LHFPL5: variants seen among roughly 807,000 people sequenced by gnomAD.
LHFPL5 encodes LHFPL tetraspan subfamily member 5.
Under a neutral mutation model 18.7 loss-of-function variants are expected in LHFPL5, and 12 were observed. That is an observed-to-expected ratio of 0.64 (90% CI 0.41 to 1.04). LHFPL5 has a LOEUF of 1.04. Among genes scored for constraint, LHFPL5 ranks in the 50% least tolerant of loss-of-function variants. LHFPL5 has a pLI of 0.00. For missense variants in LHFPL5, 259 were observed against 292.1 expected (o/e 0.89, Z 0.83); for synonymous variants, 111 against 120.2 (o/e 0.92, Z 0.50).
chr6:35,818,341 ATATATATGTAT>A (rs1220127454), intron 2 of LHFPL5, among the ~76,000 whole-genome samples: 863 of 13,072 alleles, frequency 0.066, 15 homozygotes, highest in South Asian at 0.1. Context: ...ATATATATAT[ATATATATGTAT>A]TTTTTTTTTT....
At position 35,823,854 on chromosome 6, in the gene LHFPL5, T is replaced by C. The variant is rs1024065837; in HGVS notation, c.*889T>C. ...TCAAGTAATTTGTTATAGGAATAGATGACATTTTTTTTTTTCAAAAACTTT... is the reference window on the plus strand; with the variant it reads ...TCAAGTAATTTGTTATAGGAATAGACGACATTTTTTTTTTTCAAAAACTTT... On this transcript the variant is annotated 3_prime_UTR_variant, in exon 4 of 4. Coordinates refer to ENST00000360215, the MANE Select transcript of LHFPL5 (RefSeq NM_182548.4). 1.5e-5 allele frequency: 2 copies of C among 137,576 alleles called. No homozygotes were observed. Among genetic ancestry groups the C allele is most frequent in the East Asian group, 2.0e-4 (1 of 5,112 alleles). 8.5% of individuals were successfully genotyped at this position (137,576 alleles called of 1,614,324 possible).
At chr6:35,819,712 T>G in intron 3 of LHFPL5, 1 of 545,004 alleles carries the variant, frequency 1.8e-6, no homozygotes, top group Non-Finnish European at 3.3e-6. Context: ...AATTTCGCTC[T>G]TGTTGCCCAA....
Position 35,814,521 on chromosome 6 carries a change from A to T in LHFPL5, c.413-25A>T. ...GGCTAGGCACACTCGGCCTGATGCCATGTGCACCCCTCCTTCCCCCTCAGC... is the reference window on the plus strand; with the variant it reads ...GGCTAGGCACACTCGGCCTGATGCCTTGTGCACCCCTCCTTCCCCCTCAGC... On this transcript the variant is annotated intron_variant, in intron 1 of 3. Coordinates refer to ENST00000360215, the MANE Select transcript of LHFPL5 (RefSeq NM_182548.4). This position sits in a 1 kb window ranked among gnomAD's most constrained non-coding sequence, Gnocchi z 4.2. 6.4e-7 allele frequency: 1 copy of T among 1,567,288 alleles called. No homozygotes were observed. The highest frequency in any genetic ancestry group is 8.8e-7 in the Non-Finnish European group (1 of 1,137,264).
intron 1 of LHFPL5, among the ~76,000 whole-genome samples, chr6:35,809,327 C>T (rs1386593312): frequency 6.6e-6 from 1 of 152,108 alleles, no homozygotes; most frequent in East Asian, 1.9e-4. Context: ...ATTCATTTCT[C>T]ACAGTTCTGG....
rs369419802 is a variant in LHFPL5, at chr6:35,814,725, G to A, written c.592G>A (p.Val198Met). The A allele has an allele frequency of 5.9e-5, 96 of 1,614,022 alleles. 1 individual carries two copies. The highest frequency in any genetic ancestry group is 7.6e-5 in the Non-Finnish European group (90 of 1,180,042). Residue 198 changes from valine to methionine, a missense_variant, in exon 2 of 4, where the codon GTG becomes ATG. Coordinates refer to ENST00000360215, the MANE Select transcript of LHFPL5 (RefSeq NM_182548.4). This position sits in a 1 kb window ranked among gnomAD's most constrained non-coding sequence, Gnocchi z 4.2. ...DALILSFLAF[V>M]LGYRQDKLLP... is the part of the protein sequence containing the mutation. ...CCTCATCCTCTCCTTCCTGGCCTTCGTGTTGGGCTACCGGCAGGACAAGCT... is the reference window on the plus strand; with the variant it reads ...CCTCATCCTCTCCTTCCTGGCCTTCATGTTGGGCTACCGGCAGGACAAGCT...
At chr6:35,820,182 T>C (rs1768840420) in intron 3 of LHFPL5, among the ~76,000 whole-genome samples, 1 of 152,136 alleles carries the variant, frequency 6.6e-6, no homozygotes, top group Non-Finnish European at 1.5e-5. Context: ...AAAATAAAAG[T>C]CATAGACAGA....
intron 3 of LHFPL5, among the ~76,000 whole-genome samples, chr6:35,820,591 T>C (rs939235753): frequency 6.6e-6 from 1 of 151,940 alleles, no homozygotes; most frequent in African/African-American, 2.4e-5. Context: ...TCCCAGCTAC[T>C]TGGGAGGCTG....
At chr6:35,808,790 T>A (rs73731225) in intron 1 of LHFPL5, among the ~76,000 whole-genome samples, 2,987 of 151,540 alleles carry the variant, frequency 0.02, 105 homozygotes, top group African/African-American at 0.068. Context: ...AGGTGCCATG[T>A]GTGAGCAGGC....
At chr6:35,817,355 T>A (rs538161900) in intron 2 of LHFPL5, among the ~76,000 whole-genome samples, 23 of 151,996 alleles carry the variant, frequency 1.5e-4, no homozygotes, top group African/African-American at 5.3e-4. Context: ...AATAGATAAA[T>A]CAGCTTTCAT....
At chr6:35,811,995 T>A (rs1211582272) in intron 1 of LHFPL5, among the ~76,000 whole-genome samples, 6 of 152,320 alleles carry the variant, frequency 3.9e-5, no homozygotes, top group African/African-American at 1.2e-4. Context: ...GGCCCTGTCA[T>A]AGCTGGATGA....
intron 2 of LHFPL5, among the ~76,000 whole-genome samples, chr6:35,818,899 T>C (rs1484967763): frequency 6.6e-6 from 1 of 152,042 alleles, no homozygotes; most frequent in Non-Finnish European, 1.5e-5. Context: ...TGGCGTGATC[T>C]GGGGTCACTG....
At chr6:35,821,274 A>T (rs1768861185) in intron 3 of LHFPL5, among the ~76,000 whole-genome samples, 1 of 150,776 alleles carries the variant, frequency 6.6e-6, no homozygotes, top group South Asian at 2.1e-4. Flanking sequence ...ACTGGACTCC[A>T]GCCTGGGAGA....
intron 1 of LHFPL5, among the ~76,000 whole-genome samples, chr6:35,812,686 C>G (rs1768685104): frequency 6.6e-6 from 1 of 152,142 alleles, no homozygotes; most frequent in Non-Finnish European, 1.5e-5. Flanking sequence ...CTCATTTGAA[C>G]CTTGCTGTAA....
chr6:35,820,313 G>T (rs1768842504), intron 3 of LHFPL5, among the ~76,000 whole-genome samples: 1 of 152,132 alleles, frequency 6.6e-6, no homozygotes, highest in Admixed American at 6.6e-5. Flanking sequence ...TTAATGTCTG[G>T]TTTAAAAAGA....
At chr6:35,815,949 A>G (rs1196289338) in intron 2 of LHFPL5, among the ~76,000 whole-genome samples, 1 of 152,136 alleles carries the variant, frequency 6.6e-6, no homozygotes, top group African/African-American at 2.4e-5. Flanking sequence ...AGGTGGGTGG[A>G]TCATGAGGTC....
At chr6:35,810,346 G>C (rs1315090017) in intron 1 of LHFPL5, among the ~76,000 whole-genome samples, 1 of 152,160 alleles carries the variant, frequency 6.6e-6, no homozygotes, top group Non-Finnish European at 1.5e-5. Flanking sequence ...CCCACTTCAG[G>C]GGGGTTCTGT....
Position 35,805,693 on chromosome 6 carries a change from A to C in LHFPL5, c.23A>C (p.Gln8Pro), listed in dbSNP as rs1286533737. 1 of 1,614,082 alleles carries C rather than the reference A, an allele frequency of 6.2e-7. No individual in the cohort carries two copies. The highest frequency in any genetic ancestry group is 2.2e-5 in the East Asian group (1 of 44,856). ...ACCATGGTGAAATTGCTGCCGGCCC[A>C]GGAGGCAGCCAAGATCTACCATACC... The part of the protein sequence containing the change: MVKLLPA[Q>P]EAAKIYHTNY... The change falls in exon 1 of 4, where the codon CAG becomes CCG. Residue 8 changes from glutamine to proline, a missense_variant. Transcript: ENST00000360215. The surrounding 1 kb of genome is among the most constrained non-coding windows in gnomAD (Gnocchi z 4.3).
intron 1 of LHFPL5, among the ~76,000 whole-genome samples, chr6:35,808,820 G>A (rs929343183): frequency 6.6e-6 from 1 of 151,774 alleles, no homozygotes; most frequent in Non-Finnish European, 1.5e-5. Context: ...AGGGGGAGGG[G>A]TTGACAGGCC....
Position 35,814,495 on chromosome 6 carries a change from G to GGGCTA in LHFPL5, c.413-47_413-43dup. Reference sequence around the variant, plus strand: ...AGCAGTGCAAGGTGTGGGAGGTAGCGGGCTAGGCACACTCGGCCTGATGCC... The same window carrying GGGCTA: ...AGCAGTGCAAGGTGTGGGAGGTAGCGGGCTAGGCTAGGCACACTCGGCCTGATGCC... On this transcript the variant is annotated intron_variant, in intron 1 of 3. Coordinates refer to ENST00000360215, the MANE Select transcript of LHFPL5 (RefSeq NM_182548.4). This position sits in a 1 kb window ranked among gnomAD's most constrained non-coding sequence, Gnocchi z 4.2. 7.3e-7 allele frequency: 1 copy of GGGCTA among 1,372,440 alleles called. No individual in the cohort carries two copies. The highest frequency in any genetic ancestry group is 1.0e-6 in the Non-Finnish European group (1 of 959,822). The allele number at this position is 1,372,440 out of a possible 1,614,324, so 85.0% of individuals were successfully genotyped here.
Sources: gnomAD v4.1 joint callset for allele counts (sites outside exome capture counted in the v4.1 genomes callset) on GRCh38, gnomAD v4.1.1 for gene constraint, Gnocchi (gnomAD v3.1) non-coding constraint, MANE v1.5 for transcripts, NCBI Gene and HGNC (gene_info 2026-07-23, HGNC 2026-07-21) for gene names.